IMMP2L: variants seen among roughly 807,000 people sequenced by gnomAD.
IMMP2L encodes mitochondrial inner membrane protease subunit 2.
IMMP2L carries 18 observed loss-of-function variants against 19.3 expected under a neutral mutation model. That is an observed-to-expected ratio of 0.93 (90% confidence interval 0.64 to 1.38). IMMP2L has a LOEUF of 1.38. Ranked by LOEUF, IMMP2L falls within the 40% of genes most tolerant of loss-of-function variation. The pLI is 0.00. For synonymous variants in IMMP2L, 76 were observed against 73.0 expected (o/e 1.04, Z -0.21); for missense variants, 233 against 218.2 (o/e 1.07, Z -0.43).
At chr7:111,500,664 ACAGCCACCGCTGTTCTG>A (rs1189068726) in intron 2 of IMMP2L, among the ~76,000 whole-genome samples, 4 of 152,044 alleles carry the variant, frequency 2.6e-5, no homozygotes, top group Non-Finnish European at 5.9e-5. Flanking sequence ...CCACTTTTCT[ACAGCCACCGCTGTTCTG>A]CAGCCACCGC....
At chr7:111,498,317 CATAT>C (rs916423397) in intron 2 of IMMP2L, among the ~76,000 whole-genome samples, 2 of 152,054 alleles carry the variant, frequency 1.3e-5, no homozygotes, top group South Asian at 2.1e-4. Context: ...AAATAGATCA[CATAT>C]AGTCAATGAA....
rs569220895 is a variant in IMMP2L, at chr7:111,104,841, C to T, written c.240-141276G>A. Among the ~76,000 whole-genome samples, 232 of 151,584 alleles carry T rather than the reference C, an allele frequency of 1.5e-3. 1 individual carries two copies. Among genetic ancestry groups the T allele is most frequent in the Non-Finnish European group, 1.1e-3 (75 of 67,710 alleles). ...GAAGCAGGGCAAAATCTATTTAGAA[C>T]GAGAGGGTCATGGCTTCTAGAACAG... On this transcript the variant is annotated intron_variant, in intron 3 of 5. Coordinates refer to ENST00000405709, the MANE Select transcript of IMMP2L (RefSeq NM_032549.4).
chr7:111,052,152 T>C (rs1366256609), intron 3 of IMMP2L, among the ~76,000 whole-genome samples: 1 of 152,226 alleles, frequency 6.6e-6, no homozygotes, highest in Non-Finnish European at 1.5e-5. Flanking sequence ...TCCCAAAATA[T>C]ATTTCTTTGA....
At chr7:111,392,187 T>A (rs1723489505) in intron 3 of IMMP2L, among the ~76,000 whole-genome samples, 1 of 152,124 alleles carries the variant, frequency 6.6e-6, no homozygotes, top group South Asian at 2.1e-4. Context: ...TCCAATCTTT[T>A]AAGCACCCTT....
intron 2 of IMMP2L, among the ~76,000 whole-genome samples, chr7:111,507,367 T>C (rs1334728630): frequency 2.0e-5 from 3 of 152,196 alleles, no homozygotes; most frequent in Non-Finnish European, 1.5e-5. Flanking sequence ...ACAATTTCAA[T>C]ATTTTCGCCT....
intron 3 of IMMP2L, among the ~76,000 whole-genome samples, chr7:111,300,106 G>C (rs79970524): frequency 2.0e-5 from 3 of 152,280 alleles, no homozygotes; most frequent in Admixed American, 1.3e-4. Context: ...AAGTGATACT[G>C]GTCCTCTGGG....
intron 3 of IMMP2L, among the ~76,000 whole-genome samples, chr7:111,111,943 T>C (rs13245392): frequency 3.5e-5 from 3 of 86,330 alleles, no homozygotes; most frequent in Admixed American, 3.2e-4. Flanking sequence ...ATATAGTTTG[T>C]TTTTTTTTTT....
chr7:110,885,358 T>C (rs758069002), intron 5 of IMMP2L, among the ~76,000 whole-genome samples: 4 of 151,996 alleles, frequency 2.6e-5, no homozygotes, highest in Non-Finnish European at 4.4e-5. Flanking sequence ...TCAACTTATA[T>C]ATACGTTAAA....
At chr7:111,418,340 A>G (rs1406729298) in intron 3 of IMMP2L, among the ~76,000 whole-genome samples, 1 of 151,738 alleles carries the variant, frequency 6.6e-6, no homozygotes, top group African/African-American at 2.4e-5. Flanking sequence ...TTATGTCTTG[A>G]TTAAAATATA....
intron 3 of IMMP2L, among the ~76,000 whole-genome samples, chr7:110,985,585 G>A (rs562504671): frequency 6.6e-6 from 1 of 152,204 alleles, no homozygotes; most frequent in African/African-American, 2.4e-5. Flanking sequence ...AAGTATGTTA[G>A]TCAAGTTTAA....
chr7:110,740,437 C>T (rs1344452938), intron 5 of IMMP2L, among the ~76,000 whole-genome samples: 2 of 152,106 alleles, frequency 1.3e-5, no homozygotes, highest in African/African-American at 2.4e-5. Flanking sequence ...CTACTGTGAA[C>T]ACGTTTATGT....
At chr7:110,691,486 C>A (rs927668585) in intron 5 of IMMP2L, among the ~76,000 whole-genome samples, 1 of 152,092 alleles carries the variant, frequency 6.6e-6, no homozygotes, top group Non-Finnish European at 1.5e-5. Context: ...TAAACAGCTT[C>A]TGCACAGCAA....
chr7:111,542,005 G>C (rs1848542688), intron 1 of IMMP2L, among the ~76,000 whole-genome samples: 2 of 152,148 alleles, frequency 1.3e-5, no homozygotes, highest in African/African-American at 2.4e-5. Flanking sequence ...AATCCTCCAA[G>C]AAATACTTAA....
chr7:111,208,351 A>G (rs1226178403), intron 3 of IMMP2L, among the ~76,000 whole-genome samples: 2 of 152,188 alleles, frequency 1.3e-5, no homozygotes, highest in African/African-American at 4.8e-5. Context: ...TTTACCCATA[A>G]CATACAGAGC....
chr7:111,373,686 G>A (rs919626128), intron 3 of IMMP2L, among the ~76,000 whole-genome samples: 1 of 152,052 alleles, frequency 6.6e-6, no homozygotes, highest in East Asian at 1.9e-4. Flanking sequence ...GGATGGGTTG[G>A]TAAGATTAGG....
In IMMP2L at chr7:111,462,053, G is replaced by A. The variant is rs183592364; in HGVS notation, c.239+25185C>T. Reference sequence around the variant, plus strand: ...TACTATAGTATCTTCTTGGGGAGTTGATAAGTGATTTTTACAAACATCTTT... The same window carrying A: ...TACTATAGTATCTTCTTGGGGAGTTAATAAGTGATTTTTACAAACATCTTT... On this transcript the variant is annotated intron_variant, in intron 3 of 5. Transcript: ENST00000405709. Among the ~76,000 whole-genome samples, 11 of 151,502 alleles carry A rather than the reference G, an allele frequency of 7.3e-5. No individual in the cohort carries two copies. In the East Asian group the frequency reaches 2.1e-3, roughly 29 times the overall value.
chr7:111,087,461 A>G (rs1000259299), intron 3 of IMMP2L, among the ~76,000 whole-genome samples: 1 of 151,922 alleles, frequency 6.6e-6, no homozygotes, highest in Non-Finnish European at 1.5e-5. Flanking sequence ...AAAAAGAAAA[A>G]AAAAAAAAAA....
At position 111,500,091 on chromosome 7, in the gene IMMP2L, G is replaced by A. The variant is rs139801936; in HGVS notation, c.136-12750C>T. Among the ~76,000 whole-genome samples, 848 of 152,140 alleles carry A rather than the reference G, an allele frequency of 5.6e-3. 6 individuals are homozygous for A. The highest frequency in any genetic ancestry group is 0.019 in the African/African-American group (809 of 41,506). ...GGTGACAGATGGCACCTGGAAAATC[G>A]GGTCACTCCCACCCTAATACTGCGC... On this transcript the variant is annotated intron_variant, in intron 2 of 5. Transcript: ENST00000405709.
intron 3 of IMMP2L, among the ~76,000 whole-genome samples, chr7:111,303,329 G>A (rs1330219634): frequency 6.6e-6 from 1 of 152,008 alleles, no homozygotes; most frequent in East Asian, 1.9e-4. Flanking sequence ...TTTCCTTAAA[G>A]AGAAAATCAC....
Sources: allele counts gnomAD v4.1 joint callset (sites outside exome capture counted in the v4.1 genomes callset), GRCh38; gene constraint gnomAD v4.1.1; transcripts MANE v1.5; gene names NCBI Gene and HGNC (gene_info 2026-07-23, HGNC 2026-07-21).